Variants in HS1BP3 observed in about 807,000 individuals in gnomAD.
HS1BP3 encodes HCLS1-binding protein 3.
HS1BP3 carries 32 observed loss-of-function variants against 33.5 expected under a neutral mutation model. The ratio of observed to expected loss-of-function variants is 0.95; its 90% CI spans 0.72 to 1.28. The LOEUF is 1.28. Ranked by LOEUF, HS1BP3 falls within the 50% of genes most tolerant of loss-of-function variation. The pLI is 0.00. For missense variants in HS1BP3, 486 were observed against 502.3 expected, an observed-to-expected ratio of 0.97 and a Z score of 0.31; for synonymous variants, 187 against 209.2, an observed-to-expected ratio of 0.89 and a Z score of 0.92.
intron 2 of HS1BP3, among the ~76,000 whole-genome samples, chr2:20,599,384 C>T (rs1694018844): frequency 6.6e-6 from 1 of 152,206 alleles, no homozygotes; most frequent in South Asian, 2.1e-4. Context: ...TGCCTGGGCT[C>T]GTGCCCAGTT....
Position 20,619,111 on chromosome 2 carries a change from G to A in HS1BP3, c.1055C>T (p.Pro352Leu), listed in dbSNP as rs756724155. Residue 352 changes from proline (P) to leucine (L), a missense_variant, in exon 7 of 7, where the codon CCG (proline) becomes CTG (leucine). Physicochemically the swap from Pro to Leu is moderately conservative, Grantham distance 98. Coordinates refer to ENST00000304031, the MANE Select transcript of HS1BP3 (RefSeq NM_022460.4). ...RKPAVPPKAG[P>L]AEAVAGQQKP... Reference sequence around the variant, plus strand: ...CTGCTGCCCAGCCACAGCTTCAGCCGGGCCCGCTTTGGGGGGAACAGCTGG... The same window carrying A: ...CTGCTGCCCAGCCACAGCTTCAGCCAGGCCCGCTTTGGGGGGAACAGCTGG... 5.6e-6 allele frequency: 9 copies of A among 1,614,054 alleles called. No individual in the cohort carries two copies. The highest frequency in any genetic ancestry group is 1.1e-5 in the South Asian group (1 of 91,088).
At chr2:20,629,341 C>T (rs1241067678) in intron 4 of HS1BP3, among the ~76,000 whole-genome samples, 1 of 152,234 alleles carries the variant, frequency 6.6e-6, no homozygotes, top group Non-Finnish European at 1.5e-5. Context: ...TCAGCATCCA[C>T]CCAGCTGTCT....
chr2:20,583,738 AG>A (rs1030015065), intron 5 of HS1BP3, among the ~76,000 whole-genome samples: 16 of 152,172 alleles, frequency 1.1e-4, no homozygotes, highest in African/African-American at 3.4e-4. Flanking sequence ...GTTGGGCCTC[AG>A]TGTGGCCCCC....
At chr2:20,601,259 A>C (rs1239993223) in intron 2 of HS1BP3, among the ~76,000 whole-genome samples, 2 of 152,164 alleles carry the variant, frequency 1.3e-5, no homozygotes, top group Non-Finnish European at 2.9e-5. Context: ...GAGTATCTAG[A>C]CTTGCTTTTT....
intron 2 of HS1BP3, among the ~76,000 whole-genome samples, chr2:20,643,292 G>A (rs946175619): frequency 6.6e-6 from 1 of 152,186 alleles, no homozygotes; most frequent in African/African-American, 2.4e-5. Flanking sequence ...TGCATGTAAG[G>A]CCGGCCCTCT....
intron 2 of HS1BP3, among the ~76,000 whole-genome samples, chr2:20,643,843 G>A (rs748515472): frequency 6.6e-6 from 1 of 152,182 alleles, no homozygotes; most frequent in Non-Finnish European, 1.5e-5. Flanking sequence ...TGAGGCAGGA[G>A]GATTGCTTGA....
rs1283107288 is a variant in HS1BP3, at chr2:20,624,809, T to C, written c.707A>G (p.Asp236Gly). ...PRLTIFDEEV[D>G]PDEGLFGPGR... ...CGGGCCAAAGAGCCCCTCATCAGGG[T>C]CCACCTCCTCGTCAAAGATGGTGAG... The change falls in exon 5 of 7, where the codon GAC becomes GGC. Residue 236 changes from aspartate to glycine, a missense_variant. By Grantham distance (94) the Asp-to-Gly change is moderately conservative (BLOSUM62 -1). Coordinates refer to ENST00000304031, the MANE Select transcript of HS1BP3 (RefSeq NM_022460.4). 3 of 1,613,530 alleles carry C rather than the reference T, an allele frequency of 1.9e-6. No homozygotes were observed. The highest frequency in any genetic ancestry group is 2.5e-6 in the Non-Finnish European group (3 of 1,179,882).
chr2:20,638,676 T>C (rs1695243716), intron 3 of HS1BP3, 24 bp from the exon 4 acceptor site: 3 of 1,594,488 alleles, frequency 1.9e-6, no homozygotes, highest in Non-Finnish European at 2.6e-6. Context: ...CAGAAAAGAA[T>C]GGACTTGGTA....
intron 3 of HS1BP3, among the ~76,000 whole-genome samples, chr2:20,595,686 G>A (rs1308113464): frequency 2.0e-5 from 3 of 152,280 alleles, no homozygotes; most frequent in South Asian, 2.1e-4. Context: ...TGACTCTTCC[G>A]TGACATAAAT....
intron 1 of HS1BP3, 55 bp from the exon 2 acceptor site, chr2:20,645,560 G>A (rs1274558209): frequency 7.8e-6 from 12 of 1,543,102 alleles, no homozygotes; most frequent in Admixed American, 1.8e-5. Flanking sequence ...TAGGCTTCCC[G>A]AGCAAAGTGC....
intron 6 of HS1BP3, among the ~76,000 whole-genome samples, chr2:20,621,863 C>A (rs946300425): frequency 6.6e-6 from 1 of 152,210 alleles, no homozygotes; most frequent in South Asian, 2.1e-4. Flanking sequence ...TTTCCAAGCA[C>A]CCTATTTCTG....
chr2:20,627,867 A>G (rs1443663788), intron 4 of HS1BP3, among the ~76,000 whole-genome samples: 1 of 152,204 alleles, frequency 6.6e-6, no homozygotes, highest in Non-Finnish European at 1.5e-5. Context: ...TGCCTGGTCC[A>G]TAACAGATGC....
chr2:20,558,637 A>G (rs1435981388), downstream of HS1BP3, among the ~76,000 whole-genome samples: 3 of 152,208 alleles, frequency 2.0e-5, no homozygotes, highest in Non-Finnish European at 4.4e-5. Context: ...AGGGGGAGGC[A>G]AACCCACATG....
intron 2 of HS1BP3, among the ~76,000 whole-genome samples, chr2:20,605,280 G>A (rs1010134561): frequency 6.6e-6 from 1 of 152,070 alleles, no homozygotes; most frequent in Non-Finnish European, 1.5e-5. Context: ...CCCCCCACTT[G>A]CTTCATGCCT....
intron 4 of HS1BP3, among the ~76,000 whole-genome samples, chr2:20,629,063 G>A (rs533175527): frequency 2.0e-5 from 3 of 152,182 alleles, no homozygotes; most frequent in Non-Finnish European, 4.4e-5. Flanking sequence ...GAAGGCAAAC[G>A]TGCTTATACA....
chr2:20,624,305 C>A (rs773742007), intron 5 of HS1BP3, among the ~76,000 whole-genome samples: 46 of 152,150 alleles, frequency 3.0e-4, no homozygotes, highest in Non-Finnish European at 6.2e-4. Context: ...GAGGGCTCAC[C>A]AAGTATGGGC....
chr2:20,604,082 T>C (rs567053712), intron 2 of HS1BP3, among the ~76,000 whole-genome samples: 5 of 152,346 alleles, frequency 3.3e-5, no homozygotes, highest in Admixed American at 2.6e-4. Flanking sequence ...ATTCCCTTTT[T>C]GGAAATTAAC....
chr2:20,641,365 A>G (rs958347769), intron 2 of HS1BP3, among the ~76,000 whole-genome samples, 185 bp from the exon 3 acceptor site: 1 of 152,134 alleles, frequency 6.6e-6, no homozygotes, highest in Non-Finnish European at 1.5e-5. Context: ...CCGATAGCAG[A>G]TTCAATAAAA....
intron 6 of HS1BP3, chr2:20,622,413 G>A: frequency 3.1e-6 from 3 of 962,516 alleles, no homozygotes; most frequent in South Asian, 2.7e-5. Context: ...TTTTTGAGCA[G>A]GGACTCCCCA....
Sources: allele counts gnomAD v4.1 joint callset (sites outside exome capture counted in the v4.1 genomes callset), GRCh38; gene constraint gnomAD v4.1.1; transcripts MANE v1.5; gene names NCBI Gene and HGNC (gene_info 2026-07-23, HGNC 2026-07-21).